The following CNOT6L variants were observed in gnomAD, a reference collection of about 807,000 sequenced individuals.
CNOT6L encodes CCR4-NOT transcription complex subunit 6 like.
CNOT6L carries 7 observed loss-of-function variants against 64.0 expected under a neutral mutation model. The ratio of observed to expected loss-of-function variants is 0.11; its 90% CI spans 0.06 to 0.21. The LOEUF (loss-of-function observed/expected upper bound fraction) is 0.21, where lower values mean the gene tolerates loss of function less well. CNOT6L is among the 10% of genes least tolerant of loss of function. The pLI is 1.00. For missense variants in CNOT6L, 245 were observed against 669.0 expected (o/e 0.37, Z 6.99); for synonymous variants, 193 against 243.4 (o/e 0.79, Z 1.93).
Position 77,728,921 on chromosome 4 carries a change from G to A in CNOT6L, c.1185C>T (p.Ser395=), listed in dbSNP as rs150251838. The part of the protein sequence containing the change: ...ILEKASSRPG[S]PTADPNSIPL... ...GGATGGAATTAGGATCTGCAGTTGG[G>A]CTTCCAGGCCTACTAGAGGCTTTCT... The change falls in exon 10 of 12, where the codon AGC becomes AGT. Residue 395 remains serine, a synonymous_variant. Transcript: ENST00000504123. The A allele has an allele frequency of 6.2e-7, 1 of 1,613,798 alleles. No homozygotes were observed. The highest frequency in any genetic ancestry group is 1.3e-5 in the African/African-American group (1 of 75,026).
At chr4:77,725,147 C>A (rs553042137) in intron 11 of CNOT6L, among the ~76,000 whole-genome samples, 1 of 152,206 alleles carries the variant, frequency 6.6e-6, no homozygotes, top group East Asian at 1.9e-4. Context: ...GATTCAATTT[C>A]TAAGCAATTT....
At chr4:77,725,998 C>G (rs1721811182) in intron 11 of CNOT6L, 169 bp downstream of exon 11, 1 of 617,364 alleles carries the variant, frequency 1.6e-6, no homozygotes, top group African/African-American at 1.9e-5. Flanking sequence ...CAACAATAGC[C>G]ACAAAACCCA....
intron 6 of CNOT6L, among the ~76,000 whole-genome samples, chr4:77,745,971 A>G (rs1476815031): frequency 6.6e-6 from 1 of 152,234 alleles, no homozygotes; most frequent in Non-Finnish European, 1.5e-5. Context: ...ACTGGGAGCT[A>G]AATTTCAATT....
In CNOT6L at chr4:77,803,134, G is replaced by A. The variant is rs1731785233; in HGVS notation, c.5+16170C>T. On this transcript the variant is annotated intron_variant, in intron 1 of 11. Transcript: ENST00000504123. ...TAAACAGCTATTAACAAAGTAATAA[G>A]AAAAACAGAGACACCCAATAGAAAA... 2.6e-5 allele frequency among the ~76,000 whole-genome samples: 4 copies of A among 151,120 alleles called. No individual in the cohort carries two copies. In the South Asian group the frequency reaches 8.3e-4, roughly 32 times the overall value.
intron 4 of CNOT6L, among the ~76,000 whole-genome samples, chr4:77,762,506 T>C (rs28763712): frequency 5.2e-4 from 79 of 152,154 alleles, no homozygotes; most frequent in African/African-American, 1.8e-3. Context: ...TAACTAGACA[T>C]GCATATGCAA....
chr4:77,817,269 A>C (rs1179953410), intron 1 of CNOT6L, among the ~76,000 whole-genome samples: 1 of 152,176 alleles, frequency 6.6e-6, no homozygotes, highest in Non-Finnish European at 1.5e-5. Flanking sequence ...AGGCTATTTT[A>C]ATGACTATTT....
chr4:77,788,424 A>G (rs900633126), intron 1 of CNOT6L, among the ~76,000 whole-genome samples: 2 of 152,210 alleles, frequency 1.3e-5, no homozygotes, highest in African/African-American at 4.8e-5. Flanking sequence ...GAGAAAGAAC[A>G]TATTATAATA....
intron 11 of CNOT6L, among the ~76,000 whole-genome samples, chr4:77,723,660 T>C (rs927303536): frequency 2.0e-5 from 3 of 152,190 alleles, no homozygotes; most frequent in Non-Finnish European, 4.4e-5. Flanking sequence ...CCAGCCAGCC[T>C]ATTTATCTTC....
At chr4:77,783,336 T>A (rs1249598617) in intron 1 of CNOT6L, among the ~76,000 whole-genome samples, 2 of 152,240 alleles carry the variant, frequency 1.3e-5, no homozygotes, top group Non-Finnish European at 2.9e-5. Context: ...GCTTCAATAG[T>A]GAACAAGTTG....
At chr4:77,758,315 G>A (rs938135669) in intron 4 of CNOT6L, among the ~76,000 whole-genome samples, 2 of 152,134 alleles carry the variant, frequency 1.3e-5, no homozygotes, top group Admixed American at 6.5e-5. Context: ...GAATGAGTTA[G>A]GCAGCAGATT....
At position 77,720,273 on chromosome 4, in the gene CNOT6L, A is replaced by G. The variant is rs373443260; in HGVS notation, c.*158T>C. On this transcript the variant is annotated 3_prime_UTR_variant, in exon 12 of 12. Coordinates refer to ENST00000504123, the MANE Select transcript of CNOT6L (RefSeq NM_144571.3). ...TCCAGCCCTACTGCCAAATGATACC[A>G]ATATGCACAAAAATGTACAAAGTCT... 2 of 715,800 alleles carry G rather than the reference A, an allele frequency of 2.8e-6. No individual in the cohort carries two copies. Among genetic ancestry groups the G allele is most frequent in the South Asian group, 4.4e-5 (2 of 45,684 alleles). 44.3% of individuals were successfully genotyped at this position (715,800 alleles called of 1,614,324 possible).
rs548581720 is a variant in CNOT6L at position 77,714,577 on chromosome 4, T to C, written c.*5854A>G. 2 of 152,618 alleles carry C rather than the reference T, an allele frequency of 1.3e-5. No homozygotes were observed. Among genetic ancestry groups the C allele is most frequent in the East Asian group, 3.9e-4 (2 of 5,178 alleles). 9.5% of individuals were successfully genotyped at this position (152,618 alleles called of 1,614,324 possible). A position where few individuals can be genotyped will look rare whatever the true frequency, so the allele number is the denominator to read the frequency against. On this transcript the variant is annotated 3_prime_UTR_variant, in exon 12 of 12. Transcript: ENST00000504123. ...GTTCTATTGAACTCTGTATCTCAGC[T>C]TCTCCAAGATGAAAAAGTTGTTTGC...
At position 77,718,544 on chromosome 4, in the gene CNOT6L, C is replaced by G. The variant is rs1720979461; in HGVS notation, c.*1887G>C. On this transcript the variant is annotated 3_prime_UTR_variant, in exon 12 of 12. Transcript: ENST00000504123. ...AAGATATTTTATTTACATCAAAATT[C>G]ACTGAACTACAATGACATTCCAATT... 6.6e-6 allele frequency: 1 copy of G among 152,490 alleles called. No homozygotes were observed. Among genetic ancestry groups the G allele is most frequent in the African/African-American group, 2.4e-5 (1 of 41,408 alleles). The allele number at this position is 152,490 out of a possible 1,614,324, so 9.4% of individuals were successfully genotyped here.
intron 4 of CNOT6L, 110 bp from the exon 5 acceptor site, chr4:77,757,061 GAATTCTACT>G (rs1446048703): frequency 1.5e-5 from 8 of 528,790 alleles, no homozygotes; most frequent in Non-Finnish European, 2.6e-5. Context: ...TTCTTAAATT[GAATTCTACT>G]ATATTTAATC....
chr4:77,817,221 GA>G (rs199554999), intron 1 of CNOT6L, among the ~76,000 whole-genome samples: 1,749 of 150,092 alleles, frequency 0.012, 32 homozygotes, highest in African/African-American at 0.037. Flanking sequence ...TTGAAAATAT[GA>G]AAAAAAAATT....
chr4:77,819,349 G>C lies in CNOT6L; in HGVS notation c.-41C>G, dbSNP rs1238497172. On this transcript the variant is annotated 5_prime_UTR_variant, in exon 1 of 12. Coordinates refer to ENST00000504123, the MANE Select transcript of CNOT6L (RefSeq NM_144571.3). ...CAGAAGCAACAGCAGCCATTTCCCC[G>C]CGGCAGGGGAAACACACACACAAAC... 2 of 1,612,838 alleles carry C rather than the reference G, an allele frequency of 1.2e-6. No homozygotes were observed. Among genetic ancestry groups the C allele is most frequent in the East Asian group, 4.5e-5 (2 of 44,766 alleles).
At chr4:77,780,597 A>G (rs1335589065) in intron 1 of CNOT6L, among the ~76,000 whole-genome samples, 1 of 152,188 alleles carries the variant, frequency 6.6e-6, no homozygotes, top group Non-Finnish European at 1.5e-5. Context: ...AGAGACTCTG[A>G]GTAAAATTTC....
chr4:77,741,750 A>G (rs1217120982), intron 8 of CNOT6L, among the ~76,000 whole-genome samples: 1 of 152,180 alleles, frequency 6.6e-6, no homozygotes, highest in Non-Finnish European at 1.5e-5. Flanking sequence ...TTTAAAATGA[A>G]TGATTCTCAA....
chr4:77,808,677 T>C (rs1402733114), intron 1 of CNOT6L, among the ~76,000 whole-genome samples: 1 of 152,150 alleles, frequency 6.6e-6, no homozygotes, highest in African/African-American at 2.4e-5. Flanking sequence ...AGTTGTAGAC[T>C]AGCAAGGAAG....
Sources: gnomAD v4.1 joint callset for allele counts (sites outside exome capture counted in the v4.1 genomes callset) on GRCh38, gnomAD v4.1.1 for gene constraint, MANE v1.5 for transcripts, NCBI Gene and HGNC (gene_info 2026-07-23, HGNC 2026-07-21) for gene names.